Variants in IL1RAPL2 observed in about 807,000 individuals in gnomAD.
The protein encoded by IL1RAPL2 is X-linked interleukin-1 receptor accessory protein-like 2.
Under a neutral mutation model 44.1 loss-of-function variants are expected in IL1RAPL2, and 3 were observed. That is an observed-to-expected ratio of 0.07 (90% CI 0.03 to 0.18). The LOEUF (loss-of-function observed/expected upper bound fraction) is 0.18. Ranked by LOEUF, IL1RAPL2 falls within the 10% of genes least tolerant of loss-of-function variation. The pLI, the probability that IL1RAPL2 is intolerant of heterozygous loss-of-function variation, is 1.00. For synonymous variants in IL1RAPL2, 181 were observed against 178.8 expected (o/e 1.01, Z -0.10); for missense variants, 391 against 496.4 (o/e 0.79, Z 2.02).
At chrX:104,881,799 G>T (rs1224493500) in intron 2 of IL1RAPL2, among the ~76,000 whole-genome samples, 1 of 111,836 alleles carries the variant, frequency 8.9e-6, no homozygotes, top group Admixed American at 9.5e-5. Flanking sequence ...GAATGAGAAG[G>T]TGCATGGCAG....
intron 2 of IL1RAPL2, among the ~76,000 whole-genome samples, chrX:105,011,760 A>G (rs1395483355): frequency 9.0e-6 from 1 of 110,896 alleles, no homozygotes; most frequent in Non-Finnish European, 1.9e-5. Flanking sequence ...TGATGCTGCT[A>G]TGAACATTTG....
intron 2 of IL1RAPL2, among the ~76,000 whole-genome samples, chrX:105,159,993 C>CA (rs1556115964): frequency 1.1e-5 from 1 of 92,386 alleles, no homozygotes; most frequent in Non-Finnish European, 2.1e-5. Flanking sequence ...CCCCCCCCCC[C>CA]ACTCCACCCC....
chrX:105,029,585 C>T (rs1474148229), intron 2 of IL1RAPL2, among the ~76,000 whole-genome samples: 2 of 108,281 alleles, frequency 1.8e-5, no homozygotes, highest in Non-Finnish European at 3.8e-5. Flanking sequence ...ATGAACTCAT[C>T]ATTTTTTATG....
intron 2 of IL1RAPL2, among the ~76,000 whole-genome samples, chrX:104,917,151 C>G (rs951795629): frequency 9.0e-5 from 10 of 111,656 alleles, no homozygotes; most frequent in African/African-American, 3.3e-4. Context: ...ATGGTACCAG[C>G]TCCTCTTTGT....
intron 1 of IL1RAPL2, among the ~76,000 whole-genome samples, chrX:104,617,892 C>T (rs1277621584): frequency 1.8e-5 from 2 of 111,434 alleles, no homozygotes; most frequent in African/African-American, 6.5e-5. Flanking sequence ...CTAGTGTGAT[C>T]CTTTGATCAT....
At chrX:104,761,911 CCTTCTCCTTCTCCTTCTTCTT>C (rs1569309868) in intron 2 of IL1RAPL2, among the ~76,000 whole-genome samples, 103 of 40,561 alleles carry the variant, frequency 2.5e-3, no homozygotes, top group Admixed American at 3.4e-3. Flanking sequence ...TTCTCCTTCT[CCTTCTCCTTCTCCTTCTTCTT>C]CTTCTTCTTC....
chrX:104,810,185 A>G (rs1932963682), intron 2 of IL1RAPL2, among the ~76,000 whole-genome samples: 1 of 109,559 alleles, frequency 9.1e-6, no homozygotes, highest in Non-Finnish European at 1.9e-5. Context: ...AACACCGCAT[A>G]TTCTCACTCA....
At chrX:105,263,397 T>C (rs2034376054) in intron 4 of IL1RAPL2, among the ~76,000 whole-genome samples, 2 of 111,799 alleles carry the variant, frequency 1.8e-5, no homozygotes, top group Non-Finnish European at 3.8e-5. Flanking sequence ...CCTGATGTTC[T>C]TGCCATGAAG....
At chrX:104,964,512 C>T (rs1368124961) in intron 2 of IL1RAPL2, among the ~76,000 whole-genome samples, 1 of 108,991 alleles carries the variant, frequency 9.2e-6, no homozygotes, top group Non-Finnish European at 1.9e-5. Context: ...GGGGTTTCAC[C>T]GTGTTAGCCA....
chrX:104,965,059 C>G (rs1434116720), intron 2 of IL1RAPL2, among the ~76,000 whole-genome samples: 1 of 111,811 alleles, frequency 8.9e-6, no homozygotes, highest in Non-Finnish European at 1.9e-5. Flanking sequence ...GATCTGCAAA[C>G]TGAAGTACTA....
chrX:104,824,899 C>A (rs991604372), intron 2 of IL1RAPL2, among the ~76,000 whole-genome samples: 1 of 111,243 alleles, frequency 9.0e-6, no homozygotes, highest in Admixed American at 9.6e-5. Flanking sequence ...CTGCTTTGAT[C>A]TTAGTTATTT....
chrX:105,191,216 T>G (rs2033630014), intron 2 of IL1RAPL2, among the ~76,000 whole-genome samples: 1 of 112,316 alleles, frequency 8.9e-6, no homozygotes, highest in Non-Finnish European at 1.9e-5. Context: ...GCATTTTGTT[T>G]GTTTGTTTGT....
chrX:104,828,058 A>G (rs1478506188), intron 2 of IL1RAPL2, among the ~76,000 whole-genome samples: 1 of 111,738 alleles, frequency 8.9e-6, no homozygotes, highest in Admixed American at 9.5e-5. Context: ...GCTTTCTTGC[A>G]TTGGGTTAGA....
intron 2 of IL1RAPL2, among the ~76,000 whole-genome samples, chrX:104,894,635 A>T (rs1923580337): frequency 8.9e-6 from 1 of 111,937 alleles, no homozygotes; most frequent in Non-Finnish European, 1.9e-5. Context: ...TTTCAGCTCC[A>T]TCAGGTCATT....
chrX:104,636,163 T>C, intron 1 of IL1RAPL2, among the ~76,000 whole-genome samples: 1 of 111,837 alleles, frequency 8.9e-6, no homozygotes, highest in Non-Finnish European at 1.9e-5. Flanking sequence ...CAGTGGATAT[T>C]GGTGAACAGC....
intron 2 of IL1RAPL2, among the ~76,000 whole-genome samples, chrX:105,024,880 A>G (rs1350023600): frequency 9.1e-6 from 1 of 110,094 alleles, no homozygotes; most frequent in Non-Finnish European, 1.9e-5. Flanking sequence ...GTATGAGTAC[A>G]GTTGTTACAG....
chrX:104,961,470 C>T (rs1234876412), intron 2 of IL1RAPL2, among the ~76,000 whole-genome samples: 1 of 111,380 alleles, frequency 9.0e-6, no homozygotes, highest in Non-Finnish European at 1.9e-5. Context: ...TGATACTAAA[C>T]GCTGGTACTG....
intron 10 of IL1RAPL2, among the ~76,000 whole-genome samples, chrX:105,762,911 G>A (rs999160160): frequency 1.7e-4 from 19 of 108,918 alleles, no homozygotes; most frequent in African/African-American, 4.8e-4. Context: ...TTATCTCTTC[G>A]TGGTAACAAG....
chrX:105,262,891 T>G (rs1204498676), intron 4 of IL1RAPL2, among the ~76,000 whole-genome samples: 2 of 110,689 alleles, frequency 1.8e-5, no homozygotes, highest in Non-Finnish European at 3.8e-5. Context: ...TAAAGATTTT[T>G]TTTTTTCTTT....
Sources: allele counts gnomAD v4.1 joint callset (sites outside exome capture counted in the v4.1 genomes callset), GRCh38; gene constraint gnomAD v4.1.1; transcripts MANE v1.5; gene names NCBI Gene and HGNC (gene_info 2026-07-23, HGNC 2026-07-21).